UACA: variants seen among roughly 807,000 people sequenced by gnomAD.
The protein encoded by UACA is uveal autoantigen with coiled-coil domains and ankyrin repeats, also known as nuclear membrane binding protein.
A neutral mutation model predicts 160.5 loss-of-function variants in UACA; 112 were observed. The ratio of observed to expected loss-of-function variants is 0.70; its 90% CI spans 0.60 to 0.82. The LOEUF is 0.82. UACA is among the 40% of genes least tolerant of loss of function. UACA has a pLI of 0.00. For synonymous variants in UACA, 557 were observed against 568.4 expected (o/e 0.98, Z 0.29); for missense variants, 1,574 against 1,614.6 (o/e 0.97, Z 0.43).
the UACA span, among the ~76,000 whole-genome samples, chr15:70,769,489 A>G: frequency 8.6e-5 from 13 of 151,750 alleles, no homozygotes; most frequent in African/African-American, 3.1e-4. Context: ...GGGAAAGGGA[A>G]AGGGAAGGTC....
intron 1 of UACA, among the ~76,000 whole-genome samples, chr15:70,741,574 T>C (rs748399227): frequency 1.3e-5 from 2 of 152,222 alleles, no homozygotes; most frequent in Non-Finnish European, 2.9e-5. Context: ...TGTTTAAAAG[T>C]AGTTTCTAAT....
In UACA at chr15:70,668,320, T is replaced by A. The variant is rs1328099333; in HGVS notation, c.2364A>T (p.Glu788Asp). 6.2e-6 allele frequency: 10 copies of A among 1,611,638 alleles called. No homozygotes were observed. The highest frequency in any genetic ancestry group is 8.5e-6 in the Non-Finnish European group (10 of 1,179,500). ...KKLEMEKLLL[E>D]NDSLSKDVSR... The stretch of plus-strand genomic sequence containing the variant: ...TTACATCCTTACTTAAGCTGTCATT[T>A]TCCAGTAGCAATTTCTCCATTTCCA... Residue 788 changes from glutamate (E) to aspartate (D), a missense_variant, in exon 16 of 19, where the codon GAA (glutamate) becomes GAT (aspartate). Coordinates refer to ENST00000322954, the MANE Select transcript of UACA (RefSeq NM_018003.4).
At chr15:70,724,623 T>C (rs1173576829) in intron 1 of UACA, among the ~76,000 whole-genome samples, 1 of 152,122 alleles carries the variant, frequency 6.6e-6, no homozygotes, top group African/African-American at 2.4e-5. Context: ...CGCTAAAAGG[T>C]GTGCTTCATG....
At chr15:70,709,587 C>T (rs531325898) in intron 1 of UACA, among the ~76,000 whole-genome samples, 7 of 152,182 alleles carry the variant, frequency 4.6e-5, no homozygotes, top group African/African-American at 7.2e-5. Context: ...CCCATAATTC[C>T]ACCATGCAGA....
the UACA span, among the ~76,000 whole-genome samples, chr15:70,777,385 T>G: frequency 6.6e-6 from 1 of 151,884 alleles, no homozygotes; most frequent in South Asian, 2.1e-4. Context: ...GAGAGATAAA[T>G]GTGGGAGTCA....
rs759163989 is a variant in UACA, at chr15:70,687,569, C to T, written c.573G>A (p.Ala191=). The change falls in exon 7 of 19, where the codon GCG becomes GCA. Residue 191 remains alanine (A), a synonymous_variant. Coordinates refer to ENST00000322954, the MANE Select transcript of UACA (RefSeq NM_018003.4). Reference sequence around the variant, plus strand: ...TTTGTTTGTCTCTGGAATTAACATCCGCTCCTCTATCTATCAGCAGTTGAC... The same window carrying T: ...TTTGTTTGTCTCTGGAATTAACATCTGCTCCTCTATCTATCAGCAGTTGAC... The part of the protein sequence containing the change: ...TICQLLIDRG[A]DVNSRDKQNR... 15 of 1,613,688 alleles carry T rather than the reference C, an allele frequency of 9.3e-6. No individual in the cohort carries two copies. Among genetic ancestry groups the T allele is most frequent in the African/African-American group, 2.7e-5 (2 of 74,864 alleles).
At chr15:70,766,281 CTAT>C (rs997870747), upstream of UACA, among the ~76,000 whole-genome samples, 4 of 152,152 alleles carry the variant, frequency 2.6e-5, no homozygotes, top group African/African-American at 9.7e-5. Context: ...AGTAAAGTCA[CTAT>C]TATTAGCATT....
chr15:70,722,414 C>T (rs1387334392), intron 1 of UACA, among the ~76,000 whole-genome samples: 2 of 151,762 alleles, frequency 1.3e-5, no homozygotes, highest in Admixed American at 1.3e-4. Context: ...ATCACCTAGG[C>T]TCAAATGAGC....
intron 7 of UACA, among the ~76,000 whole-genome samples, chr15:70,686,484 CTTTTTTTT>C (rs59586401): frequency 9.5e-6 from 1 of 104,856 alleles, no homozygotes; most frequent in Admixed American, 1.1e-4. Context: ...AGCCAGGGTT[CTTTTTTTT>C]TTTTTTTTTT....
intron 13 of UACA, among the ~76,000 whole-genome samples, chr15:70,672,884 C>T (rs1264234466): frequency 6.6e-6 from 1 of 152,094 alleles, no homozygotes; most frequent in Non-Finnish European, 1.5e-5. Flanking sequence ...TGCCTGAGGT[C>T]AGGAGTTCAA....
rs1475113537 is a variant in UACA at position 70,676,553 on chromosome 15, C to T, written c.1071G>A (p.Lys357=). 6.2e-7 allele frequency: 1 copy of T among 1,612,788 alleles called. No homozygotes were observed. Among genetic ancestry groups the T allele is most frequent in the Admixed American group, 1.7e-5 (1 of 59,990 alleles). Residue 357 remains lysine, a synonymous_variant, in exon 13 of 19, where the codon AAG becomes AAA. Transcript: ENST00000322954. The part of the protein sequence containing the change: ...KLKSLLAAKE[K]QHEESLRTIE... ...TAGTCCTTAAGCTTTCTTCATGTTGCTTTTCTTTAGCTGCCAAAAGGGACT... is the reference window on the plus strand; with the variant it reads ...TAGTCCTTAAGCTTTCTTCATGTTGTTTTTCTTTAGCTGCCAAAAGGGACT...
At chr15:70,704,078 G>T (rs1179604418) in intron 1 of UACA, among the ~76,000 whole-genome samples, 1 of 152,068 alleles carries the variant, frequency 6.6e-6, no homozygotes. Flanking sequence ...TGTCTCCTCA[G>T]CTCCCCTCTA....
In UACA at chr15:70,667,820, T is replaced by C; in HGVS notation, c.2864A>G (p.Lys955Arg). The change falls in exon 16 of 19, where the codon AAA becomes AGA. Residue 955 changes from lysine to arginine, a missense_variant. By Grantham distance (26) the Lys-to-Arg change is conservative. Transcript: ENST00000322954. ...CAGTGTCACAATCTCTTCTTGGCCT[T>C]TTCTGTAGTTGGCCAAGATTTCAGC... ...SNAEILANYR[K>R]GQEEIVTLHA... 6.2e-7 allele frequency: 1 copy of C among 1,613,952 alleles called. No homozygotes were observed. Among genetic ancestry groups the C allele is most frequent in the African/African-American group, 1.3e-5 (1 of 75,046 alleles).
intron 1 of UACA, among the ~76,000 whole-genome samples, chr15:70,721,453 G>C (rs927936748): frequency 6.6e-6 from 1 of 152,090 alleles, no homozygotes; most frequent in South Asian, 2.1e-4. Context: ...GTGAAACCCC[G>C]TCTCTACTGA....
intron 1 of UACA, among the ~76,000 whole-genome samples, chr15:70,711,723 A>G (rs985271700): frequency 6.6e-6 from 1 of 152,182 alleles, no homozygotes; most frequent in Non-Finnish European, 1.5e-5. Context: ...TCAAAGTATA[A>G]TAAGGCAGAC....
Position 70,691,352 on chromosome 15 carries a change from G to A in UACA, c.313C>T (p.Leu105Phe). 1 of 1,608,160 alleles carries A rather than the reference G, an allele frequency of 6.2e-7. No individual in the cohort carries two copies. The highest frequency in any genetic ancestry group is 8.5e-7 in the Non-Finnish European group (1 of 1,176,634). ...TGTCCATACTTAGCAGCCAGGTGAA[G>A]AGCATTTCTCCCTATAAATAATTTA... ...TTSDTAGRNA[L>F]HLAAKYGHAL... is the part of the protein sequence containing the mutation. The change falls in exon 4 of 19, where the codon CTT (leucine) becomes TTT (phenylalanine). Residue 105 changes from leucine (L) to phenylalanine (F), a missense_variant. Leu to Phe is a conservative substitution (Grantham distance 22). Coordinates refer to ENST00000322954, the MANE Select transcript of UACA (RefSeq NM_018003.4).
chr15:70,664,865 T>C (rs985596041), intron 16 of UACA, 51 bp from the exon 17 acceptor site: 1 of 1,480,824 alleles, frequency 6.8e-7, no homozygotes, highest in African/African-American at 1.4e-5. Context: ...TCATGTACAA[T>C]GAACATCTTT....
chr15:70,774,348 C>T, the UACA span, among the ~76,000 whole-genome samples: 1 of 151,976 alleles, frequency 6.6e-6, no homozygotes, highest in African/African-American at 2.4e-5. Flanking sequence ...CGATCGAGAC[C>T]ATCCTGGCTA....
intron 1 of UACA, among the ~76,000 whole-genome samples, chr15:70,740,946 G>A (rs1403872307): frequency 6.6e-6 from 1 of 151,986 alleles, no homozygotes; most frequent in Non-Finnish European, 1.5e-5. Flanking sequence ...GGCTGAGGCA[G>A]GAGAATCGCT....
Sources: allele counts gnomAD v4.1 joint callset (sites outside exome capture counted in the v4.1 genomes callset), GRCh38; gene constraint gnomAD v4.1.1; transcripts MANE v1.5; gene names NCBI Gene and HGNC (gene_info 2026-07-23, HGNC 2026-07-21).